Variants in PRKG1 observed in about 807,000 individuals in gnomAD.
The protein encoded by PRKG1 is protein kinase cGMP-dependent 1.
PRKG1 carries 35 observed loss-of-function variants against 88.1 expected under a neutral mutation model. That is an observed-to-expected ratio of 0.40 (90% CI 0.30 to 0.53). The LOEUF (loss-of-function observed/expected upper bound fraction) is 0.53. Ranked by LOEUF, PRKG1 falls within the 20% of genes least tolerant of loss-of-function variation. The probability of loss-of-function intolerance (pLI) is 0.59; values close to 1 mark genes in which losing one functional copy is unlikely to be tolerated. For synonymous variants in PRKG1, 303 were observed against 292.5 expected (o/e 1.04, Z -0.37); for missense variants, 540 against 839.8 (o/e 0.64, Z 4.41).
intron 3 of PRKG1, among the ~76,000 whole-genome samples, chr10:51,761,302 T>C (rs1838016652): frequency 6.6e-6 from 1 of 152,258 alleles, no homozygotes; most frequent in Admixed American, 6.5e-5. Flanking sequence ...CAATCAGCTT[T>C]GCTTAGATGT....
At chr10:52,065,427 A>T (rs12242842) in intron 7 of PRKG1, among the ~76,000 whole-genome samples, 18,438 of 152,072 alleles carry the variant, frequency 0.12, 2,091 homozygotes, top group East Asian at 0.48. Context: ...AAATTACATT[A>T]TGAGCCTTTT....
intron 3 of PRKG1, among the ~76,000 whole-genome samples, chr10:51,662,806 G>A (rs921215380): frequency 6.6e-6 from 1 of 152,102 alleles, no homozygotes; most frequent in Non-Finnish European, 1.5e-5. Context: ...AATGGGGAAA[G>A]AGAATCACAA....
intron 2 of PRKG1, among the ~76,000 whole-genome samples, chr10:51,165,257 G>T (rs1005876442): frequency 1.8e-4 from 27 of 152,214 alleles, no homozygotes; most frequent in African/African-American, 6.5e-4. Context: ...CATTCTTAAA[G>T]AAAAGAATTT....
intron 3 of PRKG1, among the ~76,000 whole-genome samples, chr10:51,609,456 A>C (rs1838847704): frequency 6.6e-6 from 1 of 152,198 alleles, no homozygotes; most frequent in South Asian, 2.1e-4. Context: ...TAGAACCAGA[A>C]ATACCATTTG....
chr10:51,289,769 C>A (rs577863820), intron 2 of PRKG1, among the ~76,000 whole-genome samples: 1 of 151,660 alleles, frequency 6.6e-6, no homozygotes, highest in Non-Finnish European at 1.5e-5. Context: ...ATATTTGTAA[C>A]CAGATACTCC....
intron 3 of PRKG1, among the ~76,000 whole-genome samples, chr10:51,567,353 C>T (rs973582558): frequency 6.6e-6 from 1 of 152,010 alleles, no homozygotes; most frequent in African/African-American, 2.4e-5. Context: ...GGACCTTTCC[C>T]TGTCAAAGCC....
At chr10:51,334,475 T>C (rs527319954) in intron 2 of PRKG1, among the ~76,000 whole-genome samples, 24 of 152,294 alleles carry the variant, frequency 1.6e-4, no homozygotes, top group Middle Eastern at 3.4e-3. Flanking sequence ...GAATGAATGA[T>C]TGAATGAAGA....
At position 51,165,657 on chromosome 10, in the gene PRKG1, C is replaced by T. The variant is rs990717513; in HGVS notation, c.478+12327C>T. On this transcript the variant is annotated intron_variant, in intron 2 of 17. Transcript: ENST00000373980. The stretch of plus-strand genomic sequence containing the variant: ...TGCTGTATTCAGGAAACCCATCTCA[C>T]GTGCAGTGACACACATAGGCTCAAA... Among the ~76,000 whole-genome samples, 8 of 152,138 alleles carry T rather than the reference C, an allele frequency of 5.3e-5. No homozygotes were observed. In the South Asian group the frequency reaches 6.2e-4, roughly 12 times the overall value.
At chr10:51,563,125 G>C (rs1837513467) in intron 3 of PRKG1, among the ~76,000 whole-genome samples, 2 of 152,066 alleles carry the variant, frequency 1.3e-5, no homozygotes, top group Admixed American at 6.6e-5. Context: ...TTTTGCTTCA[G>C]CATTGTTTAT....
intron 2 of PRKG1, among the ~76,000 whole-genome samples, chr10:51,262,143 C>T (rs1342755643): frequency 1.3e-5 from 2 of 152,174 alleles, no homozygotes; most frequent in Middle Eastern, 3.4e-3. Context: ...GCCTCGGCCT[C>T]CCAAAGTGCT....
chr10:52,268,204 C>T lies in PRKG1; in HGVS notation c.1174-3146C>T, dbSNP rs139858751. 2.3e-3 allele frequency among the ~76,000 whole-genome samples: 353 copies of T among 152,244 alleles called. 2 individuals carry two copies. The highest frequency in any genetic ancestry group is 7.7e-3 in the African/African-American group (321 of 41,556). The stretch of plus-strand genomic sequence containing the variant: ...TGATTCTAGACCCAAGGACTGGTTC[C>T]ATGCAAAGTAAAGGCAAAGCAGAAA... On this transcript the variant is annotated intron_variant, in intron 10 of 17. Transcript: ENST00000373980.
At chr10:52,055,157 C>T (rs1166392339) in intron 6 of PRKG1, among the ~76,000 whole-genome samples, 1 of 152,042 alleles carries the variant, frequency 6.6e-6, no homozygotes, top group Non-Finnish European at 1.5e-5. Flanking sequence ...AAAGTAAATA[C>T]TTAGGTCACT....
intron 2 of PRKG1, among the ~76,000 whole-genome samples, chr10:51,256,172 C>A (rs1054291970): frequency 6.6e-6 from 1 of 152,134 alleles, no homozygotes; most frequent in Non-Finnish European, 1.5e-5. Context: ...GGGAAGAGAT[C>A]TCTGTCTTCC....
chr10:52,133,205 G>A (rs960192587), intron 7 of PRKG1, among the ~76,000 whole-genome samples: 20 of 152,086 alleles, frequency 1.3e-4, no homozygotes, highest in Non-Finnish European at 2.1e-4. Flanking sequence ...AAAGGTTTAA[G>A]AGATTGATAG....
At chr10:52,165,932 A>C (rs1350163168) in intron 9 of PRKG1, among the ~76,000 whole-genome samples, 1 of 152,228 alleles carries the variant, frequency 6.6e-6, no homozygotes, top group Non-Finnish European at 1.5e-5. Flanking sequence ...AGTGGTTCTC[A>C]AAACTCCTCT....
At chr10:51,966,561 C>T (rs1239955036) in intron 5 of PRKG1, among the ~76,000 whole-genome samples, 1 of 152,138 alleles carries the variant, frequency 6.6e-6, no homozygotes, top group Middle Eastern at 3.2e-3. Context: ...CAAACTTTCT[C>T]CCAATTCCTT....
chr10:52,239,521 T>TAAA lies in PRKG1; in HGVS notation c.1077-12027_1077-12025dup. On this transcript the variant is annotated intron_variant, in intron 9 of 17. Coordinates refer to ENST00000373980, the MANE Select transcript of PRKG1 (RefSeq NM_006258.4). ...AATAAAAATAAAAATTTCTACAGTG[T>TAAA]AAAAAAAAAAAAAAAAAAAAAAAAG... 4.6e-3 allele frequency among the ~76,000 whole-genome samples: 262 copies of TAAA among 56,732 alleles called. 16 individuals carry two copies. The highest frequency in any genetic ancestry group is 0.015 in the African/African-American group (185 of 12,660). The allele number at this position is 56,732 out of a possible 152,430, so 37.2% of individuals were successfully genotyped here. A position where few individuals can be genotyped will look rare whatever the true frequency, so the allele number is the denominator to read the frequency against.
At chr10:51,200,422 T>A (rs550064417) in intron 2 of PRKG1, among the ~76,000 whole-genome samples, 243 of 152,336 alleles carry the variant, frequency 1.6e-3, no homozygotes, top group African/African-American at 5.5e-3. Flanking sequence ...AGGGTTTGAA[T>A]GCTAAGGAAT....
intron 3 of PRKG1, among the ~76,000 whole-genome samples, chr10:51,745,439 T>C (rs763699462): frequency 5.9e-5 from 9 of 152,286 alleles, no homozygotes; most frequent in Non-Finnish European, 1.0e-4. Flanking sequence ...TTCCAATTAG[T>C]ACACTTTAAA....
Sources: allele counts gnomAD v4.1 joint callset (sites outside exome capture counted in the v4.1 genomes callset), GRCh38; gene constraint gnomAD v4.1.1; transcripts MANE v1.5; gene names NCBI Gene and HGNC (gene_info 2026-07-23, HGNC 2026-07-21).